Variants in KMT2C observed in about 807,000 individuals in gnomAD.
KMT2C encodes lysine methyltransferase 2C.
In KMT2C, 88 loss-of-function variants were observed where a neutral mutation model predicts 507.9. The observed-to-expected ratio is 0.17, with a 90% CI of 0.15 to 0.21. The LOEUF is 0.21. Among genes scored for constraint, KMT2C ranks in the 10% least tolerant of loss-of-function variants. The probability of loss-of-function intolerance (pLI) is 1.00; values close to 1 mark genes in which losing one functional copy is unlikely to be tolerated. For missense variants in KMT2C, 4,954 were observed against 5,957.8 expected, an observed-to-expected ratio of 0.83 and a Z score of 5.55; for synonymous variants, 2,049 against 2,080.8, an observed-to-expected ratio of 0.98 and a Z score of 0.42.
chr7:152,290,252 G>A (rs1336911557), intron 6 of KMT2C, among the ~76,000 whole-genome samples: 31 of 57,936 alleles, frequency 5.4e-4, no homozygotes, highest in Middle Eastern at 0.029. Flanking sequence ...GTGTGTGTGT[G>A]TATGTGTATA....
Position 152,181,829 on chromosome 7 carries a change from A to G in KMT2C, c.6031T>C (p.Ser2011Pro). The change falls in exon 36 of 59, where the codon TCT becomes CCT. Residue 2011 changes from serine (S) to proline (P), a missense_variant. By Grantham distance (74) the Ser-to-Pro change is moderately conservative. Coordinates refer to ENST00000262189, the MANE Select transcript of KMT2C (RefSeq NM_170606.3). ...CTTTGAAACACATCTGCCCTAGGAG[A>G]TGGTTTAGTAAAGTGATCACTGGTT... ...AGTSDHFTKP[S>P]PRADVFQRQR... 1 of 1,614,026 alleles carries G rather than the reference A, an allele frequency of 6.2e-7. No individual in the cohort carries two copies. Among genetic ancestry groups the G allele is most frequent in the Non-Finnish European group, 8.5e-7 (1 of 1,179,998 alleles).
chr7:152,312,719 T>C (rs569896179), intron 4 of KMT2C, among the ~76,000 whole-genome samples: 8 of 152,346 alleles, frequency 5.3e-5, no homozygotes, highest in Non-Finnish European at 7.4e-5. Flanking sequence ...TCTAACACTT[T>C]AGGTATTATT....
Position 152,139,274 on chromosome 7 carries a change from A to T in KMT2C, c.14461-15T>A. ...ACACCACGGTTCTGAGGGAAAAGTC[A>T]GTCAGTAAGTCATCAATGTCGACCT... On this transcript the variant is annotated splice_polypyrimidine_tract_variant and intron_variant, in intron 56 of 58. Transcript: ENST00000262189. 6.2e-7 allele frequency: 1 copy of T among 1,611,356 alleles called. No homozygotes were observed. The highest frequency in any genetic ancestry group is 8.5e-7 in the Non-Finnish European group (1 of 1,179,130).
chr7:152,196,494 C>T (rs765966777), intron 27 of KMT2C, among the ~76,000 whole-genome samples: 7 of 152,140 alleles, frequency 4.6e-5, no homozygotes, highest in South Asian at 4.1e-4. Context: ...TGCAGCTTTG[C>T]TGTTCATACT....
rs1276772413 is a variant in KMT2C at position 152,358,813 on chromosome 7, T to A, written c.162-138A>T. On this transcript the variant is annotated intron_variant, in intron 1 of 58. Coordinates refer to ENST00000262189, the MANE Select transcript of KMT2C (RefSeq NM_170606.3). ...GGCATTTTTCCAGCATTTTACCATA[T>A]CAAGTAGAAAATATCAGAGTTTACA... 1.0e-5 allele frequency: 6 copies of A among 583,090 alleles called. No individual in the cohort carries two copies. The East Asian group carries it at 1.4e-4, about 13-fold the overall frequency. 36.1% of individuals were successfully genotyped at this position (583,090 alleles called of 1,614,324 possible).
At chr7:152,190,321 CTACCGATAT>C (rs1448762300) in intron 31 of KMT2C, among the ~76,000 whole-genome samples, 4 of 152,182 alleles carry the variant, frequency 2.6e-5, no homozygotes, top group Non-Finnish European at 5.9e-5. Context: ...TCAGTGCCAT[CTACCGATAT>C]TACAATAATA....
intron 18 of KMT2C, among the ~76,000 whole-genome samples, chr7:152,227,109 TC>T (rs1249045016): frequency 6.6e-6 from 1 of 152,222 alleles, no homozygotes; most frequent in Non-Finnish European, 1.5e-5. Context: ...CCACATCCAC[TC>T]ATAACTGCTT....
intron 2 of KMT2C, among the ~76,000 whole-genome samples, chr7:152,358,159 T>A (rs149321833): frequency 6.6e-6 from 1 of 152,312 alleles, no homozygotes; most frequent in East Asian, 1.9e-4. Flanking sequence ...CCAGAAACTA[T>A]TTGGTCTAGT....
At chr7:152,197,828 A>G (rs1000367895) in intron 27 of KMT2C, among the ~76,000 whole-genome samples, 4 of 152,162 alleles carry the variant, frequency 2.6e-5, no homozygotes, top group Non-Finnish European at 5.9e-5. Context: ...GCAAAGAACA[A>G]TTAATCTAGG....
intron 1 of KMT2C, among the ~76,000 whole-genome samples, chr7:152,429,800 T>C (rs1224049599): frequency 1.3e-5 from 2 of 151,600 alleles, no homozygotes; most frequent in Non-Finnish European, 2.9e-5. Context: ...ATTACAGGTG[T>C]GAGCCACCGT....
rs2094338363 is a variant in KMT2C at position 152,207,440 on chromosome 7, T to C, written c.3713-12A>G. ...CATAAGTTCTCCTTCTGGAAAAAAGTAAATGTATACACAAAACTGGAAAAA... is the reference window on the plus strand; with the variant it reads ...CATAAGTTCTCCTTCTGGAAAAAAGCAAATGTATACACAAAACTGGAAAAA... On this transcript the variant is annotated splice_polypyrimidine_tract_variant and intron_variant, in intron 23 of 58. Transcript: ENST00000262189. The C allele has an allele frequency of 8.9e-6, 14 of 1,566,570 alleles. No homozygotes were observed. Among genetic ancestry groups the C allele is most frequent in the Non-Finnish European group, 1.0e-5 (12 of 1,153,232 alleles).
intron 44 of KMT2C, chr7:152,157,982 C>G: frequency 8.3e-7 from 1 of 1,206,112 alleles, no homozygotes; most frequent in Non-Finnish European, 1.1e-6. Context: ...CAGTGTAGCT[C>G]AACTTTCTAA....
chr7:152,174,500 T>A (rs1330304903), intron 38 of KMT2C, among the ~76,000 whole-genome samples: 1 of 152,220 alleles, frequency 6.6e-6, no homozygotes, highest in Non-Finnish European at 1.5e-5. Context: ...AGCAATGCAA[T>A]TAATTTCCTT....
chr7:152,247,292 T>C (rs2095486910), intron 14 of KMT2C, among the ~76,000 whole-genome samples: 2 of 152,182 alleles, frequency 1.3e-5, no homozygotes, highest in Admixed American at 1.3e-4. Context: ...ATGTACATGA[T>C]GTAAAGCAGA....
intron 1 of KMT2C, among the ~76,000 whole-genome samples, chr7:152,426,546 G>A (rs1395340548): frequency 1.3e-5 from 2 of 151,930 alleles, no homozygotes; most frequent in Admixed American, 1.3e-4. Flanking sequence ...CTTATATCAT[G>A]GCATTTTTGG....
At chr7:152,374,609 A>G (rs2097314644) in intron 1 of KMT2C, among the ~76,000 whole-genome samples, 1 of 152,088 alleles carries the variant, frequency 6.6e-6, no homozygotes, top group Non-Finnish European at 1.5e-5. Context: ...GTGTAAACTG[A>G]ACAATCAGGC....
rs747529723 is a variant in KMT2C at position 152,195,991 on chromosome 7, C to T, written c.4294G>A (p.Ala1432Thr). The T allele has an allele frequency of 4.4e-6, 7 of 1,604,496 alleles. No individual in the cohort carries two copies. The highest frequency in any genetic ancestry group is 6.0e-6 in the Non-Finnish European group (7 of 1,173,054). ...GTGTTTAAAACTTCAGAAATATCAGCTAATGGGTCATCAGCAGGACCTAAA... is the reference window on the plus strand; with the variant it reads ...GTGTTTAAAACTTCAGAAATATCAGTTAATGGGTCATCAGCAGGACCTAAA... ...GTHGPADDPL[A>T]DISEVLNTDD... Residue 1432 changes from alanine to threonine, a missense_variant, in exon 28 of 59, where the codon GCT becomes ACT. Physicochemically the swap from Ala to Thr is moderately conservative, Grantham distance 58. Around this residue, in one of 29 missense-constraint regions of KMT2C, gnomAD observed 140 missense variants for 118.4 expected, o/e 1.18. Coordinates refer to ENST00000262189, the MANE Select transcript of KMT2C (RefSeq NM_170606.3).
intron 6 of KMT2C, among the ~76,000 whole-genome samples, chr7:152,286,235 G>A (rs2096295181): frequency 6.6e-6 from 1 of 152,308 alleles, no homozygotes. Flanking sequence ...AGAGAAATGA[G>A]ACAGAAAAAG....
rs567215745 is a variant in KMT2C, at chr7:152,365,966, T to G, written c.162-7291A>C. Among the ~76,000 whole-genome samples the G allele has an allele frequency of 2.6e-5, 4 of 152,150 alleles. No homozygotes were observed. In the East Asian group the frequency reaches 7.7e-4, roughly 29 times the overall value. ...TTCCACAGACATTTTCCAAAGAAGTTATACAAATGACCAAAAAAACATGAA... is the reference window on the plus strand; with the variant it reads ...TTCCACAGACATTTTCCAAAGAAGTGATACAAATGACCAAAAAAACATGAA... On this transcript the variant is annotated intron_variant, in intron 1 of 58. Coordinates refer to ENST00000262189, the MANE Select transcript of KMT2C (RefSeq NM_170606.3).
Sources: gnomAD v4.1 joint callset for allele counts (sites outside exome capture counted in the v4.1 genomes callset) on GRCh38, gnomAD v4.1.1 for gene constraint, gnomAD v4.1.1 regional missense constraint, MANE v1.5 for transcripts, NCBI Gene and HGNC (gene_info 2026-07-23, HGNC 2026-07-21) for gene names.